The following OSBP variants were observed in gnomAD, a reference collection of about 807,000 sequenced individuals.
OSBP encodes oxysterol-binding protein 1.
Under a neutral mutation model 96.6 loss-of-function variants are expected in OSBP, and 32 were observed. The ratio of observed to expected loss-of-function variants is 0.33; its 90% CI spans 0.25 to 0.45. The LOEUF is 0.45. OSBP is among the 20% of genes least tolerant of loss of function. The pLI, the probability that OSBP is intolerant of heterozygous loss-of-function variation, is 1.00. For missense variants in OSBP, 653 were observed against 1,029.7 expected, an observed-to-expected ratio of 0.63 and a Z score of 5.01; for synonymous variants, 369 against 389.6, an observed-to-expected ratio of 0.95 and a Z score of 0.62.
intron 9 of OSBP, among the ~76,000 whole-genome samples, chr11:59,589,982 CAA>C (rs542895783): frequency 7.3e-6 from 1 of 136,198 alleles, no homozygotes; most frequent in Non-Finnish European, 1.6e-5. Context: ...GACTCAGTCT[CAA>C]AAAAAAAAAA....
At chr11:59,599,843 G>C (rs548544982) in intron 7 of OSBP, among the ~76,000 whole-genome samples, 1 of 152,220 alleles carries the variant, frequency 6.6e-6, no homozygotes, top group Non-Finnish European at 1.5e-5. Context: ...GCGTGGGGTA[G>C]AGCCTCGCCC....
In OSBP at chr11:59,576,603, A is replaced by G; in HGVS notation, c.2398T>C (p.Trp800Arg). 1 of 1,613,924 alleles carries G rather than the reference A, an allele frequency of 6.2e-7. No homozygotes were observed. The highest frequency in any genetic ancestry group is 8.5e-7 in the Non-Finnish European group (1 of 1,179,984). ...CAGAAAATGTCCGGGCATGAGCTCCAGTCCTGTTTTTCTTTACACTCCCAG... is the reference window on the plus strand; with the variant it reads ...CAGAAAATGTCCGGGCATGAGCTCCGGTCCTGTTTTTCTTTACACTCCCAG... ...EYWECKEKQD[W>R]SSCPDIF The change falls in exon 14 of 14, where the codon TGG becomes CGG. Residue 800 changes from tryptophan to arginine, a missense_variant. Trp to Arg is a moderately radical substitution (Grantham distance 101). Transcript: ENST00000263847.
chr11:59,594,835 G>T (rs1860628692), intron 7 of OSBP, among the ~76,000 whole-genome samples: 1 of 152,156 alleles, frequency 6.6e-6, no homozygotes, highest in African/African-American at 2.4e-5. Flanking sequence ...CATGATGGGG[G>T]TTGAGAGGGG....
At chr11:59,585,365 G>T (rs1330281664) in intron 9 of OSBP, among the ~76,000 whole-genome samples, 1 of 84,832 alleles carries the variant, frequency 1.2e-5, no homozygotes, top group Non-Finnish European at 2.3e-5. Context: ...CTGCCCGGCC[G>T]CCCCGTCTGA....
At chr11:59,613,096 T>G (rs1424735544) in intron 1 of OSBP, among the ~76,000 whole-genome samples, 1 of 152,170 alleles carries the variant, frequency 6.6e-6, no homozygotes, top group East Asian at 1.9e-4. Context: ...TGGAGGAAGA[T>G]GAGGACCAGA....
At position 59,615,493 on chromosome 11, in the gene OSBP, G is replaced by C. The variant is rs983277231; in HGVS notation, c.172C>G (p.Pro58Ala). ...GCCACTCCCCCGGCCCCCGGGCCCGGGCCTCCCGCCGCCGCCGCGACCACC... is the reference window on the plus strand; with the variant it reads ...GCCACTCCCCCGGCCCCCGGGCCCGCGCCTCCCGCCGCCGCCGCGACCACC... ...GTVVAAAAGG[P>A]GPGAGGVAAA... Residue 58 changes from proline to alanine, a missense_variant, in exon 1 of 14, where the codon CCG (proline) becomes GCG (alanine). Around this residue, in one of 6 missense-constraint regions of OSBP, gnomAD observed 151 missense variants for 146.1 expected, o/e 1.03. Transcript: ENST00000263847. 381 of 1,214,992 alleles carry C rather than the reference G, an allele frequency of 3.1e-4. No individual in the cohort carries two copies. Among genetic ancestry groups the C allele is most frequent in the Non-Finnish European group, 3.7e-4 (363 of 976,928 alleles). The allele number at this position is 1,214,992 out of a possible 1,614,324, so 75.3% of individuals were successfully genotyped here. A position where few individuals can be genotyped will look rare whatever the true frequency, so the allele number is the denominator to read the frequency against.
rs368402164 is a variant in OSBP, at chr11:59,589,761, G to GATCA, written c.1678+3839_1678+3842dup. On this transcript the variant is annotated intron_variant, in intron 9 of 13. Transcript: ENST00000263847. ...GCACTTTGGGAGGCCAAGGTGGGCG[G>GATCA]ATCATGAGGTCAGGAGTTTGAGACC... Among the ~76,000 whole-genome samples the GATCA allele has an allele frequency of 4.1e-3, 626 of 151,686 alleles. 5 individuals are homozygous for GATCA. Among genetic ancestry groups the GATCA allele is most frequent in the African/African-American group, 0.014 (597 of 41,376 alleles).
Position 59,577,118 on chromosome 11 carries a change from A to T in OSBP, c.2061-93T>A. ...CTAAGTACACTGCCAAGGCCACATCACCAAGGCTGTTCTACAAAAACAGGA... is the reference window on the plus strand; with the variant it reads ...CTAAGTACACTGCCAAGGCCACATCTCCAAGGCTGTTCTACAAAAACAGGA... On this transcript the variant is annotated intron_variant, in intron 12 of 13. Coordinates refer to ENST00000263847, the MANE Select transcript of OSBP (RefSeq NM_002556.3). 4.1e-6 allele frequency: 4 copies of T among 968,212 alleles called. No homozygotes were observed. In the South Asian group the frequency reaches 6.4e-5, roughly 15 times the overall value. 60.0% of individuals were successfully genotyped at this position (968,212 alleles called of 1,614,324 possible).
intron 3 of OSBP, among the ~76,000 whole-genome samples, chr11:59,605,010 G>A (rs1316036233): frequency 6.7e-6 from 1 of 149,886 alleles, no homozygotes; most frequent in Non-Finnish European, 1.5e-5. Flanking sequence ...AAAATTAGTC[G>A]GGTGTGGTAG....
chr11:59,580,286 T>A lies in OSBP; in HGVS notation c.1783-17A>T, dbSNP rs1358828355. 2.6e-6 allele frequency: 4 copies of A among 1,520,550 alleles called. No individual in the cohort carries two copies. Among genetic ancestry groups the A allele is most frequent in the East Asian group, 2.3e-5 (1 of 44,424 alleles). The allele number at this position is 1,520,550 out of a possible 1,614,324, so 94.2% of individuals were successfully genotyped here. ...TTCGCCAGACTGTAAAATGAAAAAA[T>A]TCAGTTTTATTAAGACTGGATAAAT... On this transcript the variant is annotated splice_polypyrimidine_tract_variant and intron_variant, in intron 10 of 13. Coordinates refer to ENST00000263847, the MANE Select transcript of OSBP (RefSeq NM_002556.3).
At chr11:59,601,934 T>G in intron 3 of OSBP, 96 bp from the exon 4 acceptor site, 1 of 1,037,462 alleles carries the variant, frequency 9.6e-7, no homozygotes, top group Non-Finnish European at 1.4e-6. Context: ...CTGGGAACTT[T>G]TAACTGGCAA....
chr11:59,599,535 C>A (rs370136951), intron 7 of OSBP, among the ~76,000 whole-genome samples: 29 of 152,112 alleles, frequency 1.9e-4, no homozygotes, highest in African/African-American at 7.0e-4. Flanking sequence ...TAGTAGGCAC[C>A]CAGAAAATGC....
At chr11:59,601,599 G>A in intron 4 of OSBP, 41 bp downstream of exon 4, 2 of 1,578,144 alleles carry the variant, frequency 1.3e-6, no homozygotes, top group Non-Finnish European at 1.7e-6. Context: ...AAACCATCTG[G>A]CTCACCTTAG....
chr11:59,615,116 G>A (rs1407186572), intron 1 of OSBP, among the ~76,000 whole-genome samples, 187 bp downstream of exon 1: 2 of 152,194 alleles, frequency 1.3e-5, no homozygotes, highest in Non-Finnish European at 2.9e-5. Context: ...GAGGGGAGGT[G>A]TACGTCCAGG....
chr11:59,587,087 C>T (rs1191789627), intron 9 of OSBP, among the ~76,000 whole-genome samples: 2 of 151,976 alleles, frequency 1.3e-5, no homozygotes, highest in Non-Finnish European at 2.9e-5. Context: ...AAAAATGTAG[C>T]CTCTAGAAAT....
intron 3 of OSBP, among the ~76,000 whole-genome samples, chr11:59,608,126 A>AATACATACATACATAC (rs141275090): frequency 2.6e-5 from 4 of 150,956 alleles, no homozygotes; most frequent in Non-Finnish European, 5.9e-5. Flanking sequence ...AAAATAAATA[A>AATACATACATACATAC]ATACATACAT....
intron 9 of OSBP, among the ~76,000 whole-genome samples, chr11:59,592,984 G>T (rs1048441046): frequency 1.3e-5 from 2 of 152,062 alleles, no homozygotes; most frequent in Non-Finnish European, 2.9e-5. Flanking sequence ...TCTTAGTAAA[G>T]ACAGGGTTTC....
chr11:59,601,890 T>G (rs1408370922), intron 3 of OSBP, 52 bp from the exon 4 acceptor site: 1 of 1,546,108 alleles, frequency 6.5e-7, no homozygotes, highest in Admixed American at 1.7e-5. Context: ...GAGTTTCCCC[T>G]CAGGCTTCTG....
At chr11:59,583,940 GTTT>G (rs1196897419) in intron 9 of OSBP, among the ~76,000 whole-genome samples, 5 of 93,576 alleles carry the variant, frequency 5.3e-5, no homozygotes, top group Admixed American at 2.2e-4. Context: ...ACCTGATGGT[GTTT>G]TTTTTTTTTT....
Sources: gnomAD v4.1 joint callset for allele counts (sites outside exome capture counted in the v4.1 genomes callset) on GRCh38, gnomAD v4.1.1 for gene constraint, gnomAD v4.1.1 regional missense constraint, MANE v1.5 for transcripts, NCBI Gene and HGNC (gene_info 2026-07-23, HGNC 2026-07-21) for gene names.